Variants in SLIT2 observed in about 807,000 individuals in gnomAD.
SLIT2 encodes slit homolog 2 protein.
SLIT2 carries 41 observed loss-of-function variants against 185.7 expected under a neutral mutation model. The observed-to-expected ratio is 0.22, with a 90% CI of 0.17 to 0.29. The LOEUF (loss-of-function observed/expected upper bound fraction) is 0.29, where lower values mean the gene tolerates loss of function less well. Among genes scored for constraint, SLIT2 ranks in the 10% least tolerant of loss-of-function variants. The pLI, the probability that SLIT2 is intolerant of heterozygous loss-of-function variation, is 1.00. For synonymous variants in SLIT2, 693 were observed against 680.2 expected (o/e 1.02, Z -0.29); for missense variants, 1,571 against 1,909.0 (o/e 0.82, Z 3.30).
chr4:20,255,416 T>C (rs1162888690), intron 1 of SLIT2, among the ~76,000 whole-genome samples: 3 of 152,214 alleles, frequency 2.0e-5, no homozygotes, highest in Non-Finnish European at 4.4e-5. Context: ...ATCGGGGCTC[T>C]ACTAGGGGTG....
intron 4 of SLIT2, among the ~76,000 whole-genome samples, chr4:20,351,769 A>G (rs191470472): frequency 2.6e-5 from 4 of 152,292 alleles, no homozygotes; most frequent in African/African-American, 7.2e-5. Context: ...TGTCACATAA[A>G]CAATAGTGTG....
intron 4 of SLIT2, among the ~76,000 whole-genome samples, chr4:20,379,026 G>A (rs1272374702): frequency 1.3e-5 from 2 of 152,158 alleles, no homozygotes; most frequent in African/African-American, 4.8e-5. Flanking sequence ...CTCTGACAGA[G>A]TACAGAGGGG....
chr4:20,256,316 T>TGG (rs71181554), intron 1 of SLIT2, among the ~76,000 whole-genome samples: 52,915 of 148,818 alleles, frequency 0.36, 9,722 homozygotes, highest in East Asian at 0.62. Context: ...ACTTTTTTTT[T>TGG]GGGGGGGGTG....
chr4:20,346,883 C>G (rs1025126592), intron 4 of SLIT2, among the ~76,000 whole-genome samples: 9 of 152,184 alleles, frequency 5.9e-5, no homozygotes, highest in Admixed American at 5.9e-4. Flanking sequence ...CTTCCACGTT[C>G]TTCTGCTGCT....
intron 4 of SLIT2, among the ~76,000 whole-genome samples, chr4:20,286,545 T>C (rs1281476186): frequency 6.6e-6 from 1 of 152,196 alleles, no homozygotes; most frequent in East Asian, 1.9e-4. Context: ...CTCATGCCCG[T>C]AATCCCAGCA....
chr4:20,585,683 C>T (rs772544672), intron 29 of SLIT2, among the ~76,000 whole-genome samples: 1 of 152,200 alleles, frequency 6.6e-6, no homozygotes, highest in African/African-American at 2.4e-5. Flanking sequence ...ACAACACTAA[C>T]TCTGTATAGT....
chr4:20,533,815 C>G (rs1041038428), intron 18 of SLIT2, 100 bp downstream of exon 18: 16 of 952,830 alleles, frequency 1.7e-5, no homozygotes, highest in Non-Finnish European at 2.6e-5. Flanking sequence ...TTACCCACCC[C>G]ACTCCCTCTA....
chr4:20,618,482 T>G (rs1357079737), intron 36 of SLIT2, among the ~76,000 whole-genome samples: 1 of 152,206 alleles, frequency 6.6e-6, no homozygotes, highest in African/African-American at 2.4e-5. Context: ...AGATGTGTAC[T>G]TTTTTTCCTT....
intron 5 of SLIT2, among the ~76,000 whole-genome samples, chr4:20,472,921 T>C (rs942101624): frequency 1.3e-5 from 2 of 151,562 alleles, no homozygotes; most frequent in Non-Finnish European, 3.0e-5. Flanking sequence ...ATAGTTATCC[T>C]AGGATTAAAG....
chr4:20,330,171 C>G (rs1719938847), intron 4 of SLIT2, among the ~76,000 whole-genome samples: 1 of 151,964 alleles, frequency 6.6e-6, no homozygotes, highest in African/African-American at 2.4e-5. Context: ...TCAATTTATT[C>G]TGTGGTTTTT....
intron 4 of SLIT2, among the ~76,000 whole-genome samples, chr4:20,329,030 A>C (rs1285484719): frequency 6.6e-6 from 1 of 152,048 alleles, no homozygotes; most frequent in Non-Finnish European, 1.5e-5. Flanking sequence ...AATAGGACAG[A>C]ATATGGGGAC....
At chr4:20,537,952 A>G (rs1332073003) in intron 18 of SLIT2, among the ~76,000 whole-genome samples, 1 of 151,900 alleles carries the variant, frequency 6.6e-6, no homozygotes, top group Non-Finnish European at 1.5e-5. Context: ...CTTTTTTAAA[A>G]TTTTTATCTA....
chr4:20,321,985 G>A (rs1021430857), intron 4 of SLIT2, among the ~76,000 whole-genome samples: 14 of 149,750 alleles, frequency 9.3e-5, no homozygotes, highest in Admixed American at 2.0e-4. Context: ...ATCTGGAGGG[G>A]TGGGGTCCTC....
chr4:20,383,719 A>T (rs2109348238), intron 4 of SLIT2, among the ~76,000 whole-genome samples: 2 of 151,838 alleles, frequency 1.3e-5, no homozygotes, highest in Non-Finnish European at 2.9e-5. Flanking sequence ...CTTTTTTTTT[A>T]AGCTGGAGCC....
chr4:20,381,302 A>G (rs1408437843), intron 4 of SLIT2, among the ~76,000 whole-genome samples: 2 of 152,056 alleles, frequency 1.3e-5, no homozygotes, highest in African/African-American at 4.8e-5. Context: ...GATGAAGAGA[A>G]TATTTTAAAA....
intron 26 of SLIT2, among the ~76,000 whole-genome samples, chr4:20,558,036 G>A (rs1029877780): frequency 2.0e-5 from 3 of 151,996 alleles, no homozygotes; most frequent in Non-Finnish European, 4.4e-5. Flanking sequence ...TGCTTCTTAC[G>A]GATGAGCAAA....
intron 30 of SLIT2, among the ~76,000 whole-genome samples, chr4:20,591,265 T>TTGAGC (rs1215802290): frequency 3.3e-5 from 5 of 152,178 alleles, no homozygotes; most frequent in Admixed American, 2.0e-4. Flanking sequence ...AAGATGGAAT[T>TTGAGC]TGAGCTGGAT....
At chr4:20,495,060 A>G (rs1040041276) in intron 9 of SLIT2, among the ~76,000 whole-genome samples, 1 of 152,256 alleles carries the variant, frequency 6.6e-6, no homozygotes, top group African/African-American at 2.4e-5. Context: ...GGTCTGAGAG[A>G]AGGTCTTGGA....
At chr4:20,416,380 A>G (rs1329320052) in intron 4 of SLIT2, among the ~76,000 whole-genome samples, 1 of 152,178 alleles carries the variant, frequency 6.6e-6, no homozygotes. Flanking sequence ...TTAGGGCCAC[A>G]TACTTATTAT....
Sources: gnomAD v4.1 joint callset for allele counts (sites outside exome capture counted in the v4.1 genomes callset) on GRCh38, gnomAD v4.1.1 for gene constraint, MANE v1.5 for transcripts, NCBI Gene and HGNC (gene_info 2026-07-23, HGNC 2026-07-21) for gene names.